The following TMEM132C variants were observed in gnomAD, a reference collection of about 807,000 sequenced individuals.
TMEM132C encodes protein phosphatase 1, regulatory subunit 152.
TMEM132C carries 29 observed loss-of-function variants against 61.4 expected under a neutral mutation model. The ratio of observed to expected loss-of-function variants is 0.47; its 90% confidence interval spans 0.35 to 0.64. The LOEUF is 0.64. Among genes scored for constraint, TMEM132C ranks in the 30% least tolerant of loss-of-function variants. The probability of loss-of-function intolerance (pLI) is 0.00; values close to 1 mark genes in which losing one functional copy is unlikely to be tolerated. For missense variants in TMEM132C, 1,408 were observed against 1,476.9 expected, an observed-to-expected ratio of 0.95 and a Z score of 0.76; for synonymous variants, 656 against 633.1, an observed-to-expected ratio of 1.04 and a Z score of -0.54.
intron 1 of TMEM132C, among the ~76,000 whole-genome samples, chr12:128,282,561 C>G (rs1473012295): frequency 1.3e-5 from 2 of 152,210 alleles, no homozygotes; most frequent in African/African-American, 4.8e-5. Flanking sequence ...ATGATCCAGT[C>G]ACCTCCCACT....
At chr12:128,503,337 G>A (rs1872244348) in intron 2 of TMEM132C, among the ~76,000 whole-genome samples, 1 of 152,242 alleles carries the variant, frequency 6.6e-6, no homozygotes, top group Non-Finnish European at 1.5e-5. Context: ...AATTTTAAGT[G>A]TAGGCGAGGA....
At chr12:128,606,926 G>A (rs1876447287) in intron 3 of TMEM132C, among the ~76,000 whole-genome samples, 1 of 152,152 alleles carries the variant, frequency 6.6e-6, no homozygotes, top group African/African-American at 2.4e-5. Context: ...AGTAAACAAA[G>A]CAAGTTTTTA....
chr12:128,578,495 G>A (rs1044839096), intron 3 of TMEM132C, among the ~76,000 whole-genome samples: 1 of 152,148 alleles, frequency 6.6e-6, no homozygotes, highest in South Asian at 2.1e-4. Flanking sequence ...AAGTCTACTT[G>A]TCGCCTTATT....
rs1256458537 is a variant in TMEM132C at position 128,326,514 on chromosome 12, C to T, written c.85+59027C>T. Among the ~76,000 whole-genome samples the T allele has an allele frequency of 1.3e-5, 2 of 152,220 alleles. No individual in the cohort carries two copies. Among genetic ancestry groups the T allele is most frequent in the Non-Finnish European group, 2.9e-5 (2 of 68,044 alleles). On this transcript the variant is annotated intron_variant, in intron 1 of 8. Transcript: ENST00000435159. The surrounding 1 kb of genome is among the most constrained non-coding windows in gnomAD (Gnocchi z 5.6). ...AGGGGTCTTGGTTTTCCATCCTGCC[C>T]TGAGCCTAGTGTGAGGTGGAGCAGC...
rs190829367 is a variant in TMEM132C at position 128,604,138 on chromosome 12, A to G, written c.1122-12014A>G. Among the ~76,000 whole-genome samples, 12 of 152,298 alleles carry G rather than the reference A, an allele frequency of 7.9e-5. No individual in the cohort carries two copies. In the East Asian group the frequency reaches 2.1e-3, roughly 27 times the overall value. ...AGGGTTCCCCAGAGACATAGAACCA[A>G]TGGGGTGGATGAGTCCATAGATATA... On this transcript the variant is annotated intron_variant, in intron 3 of 8. Coordinates refer to ENST00000435159, the MANE Select transcript of TMEM132C (RefSeq NM_001136103.3).
At chr12:128,297,712 A>G (rs148620975) in intron 1 of TMEM132C, among the ~76,000 whole-genome samples, 301 of 152,168 alleles carry the variant, frequency 2.0e-3, no homozygotes, top group African/African-American at 6.8e-3. Flanking sequence ...AGGATTTGGT[A>G]TCTCTTCTGA....
intron 5 of TMEM132C, among the ~76,000 whole-genome samples, chr12:128,682,720 A>G (rs549383187): frequency 6.6e-6 from 1 of 152,322 alleles, no homozygotes; most frequent in East Asian, 1.9e-4. Flanking sequence ...ACTCTGTCAC[A>G]GTTTTCCAGA....
intron 4 of TMEM132C, 83 bp from the exon 5 acceptor site, chr12:128,669,334 T>G: frequency 1.3e-6 from 2 of 1,489,530 alleles, no homozygotes; most frequent in Non-Finnish European, 9.0e-7. Context: ...GTGTTTACCC[T>G]GGGAGATTCC....
intron 1 of TMEM132C, among the ~76,000 whole-genome samples, chr12:128,375,881 A>C (rs1874176538): frequency 6.6e-6 from 1 of 152,214 alleles, no homozygotes; most frequent in African/African-American, 2.4e-5. Context: ...TGGCATATCC[A>C]GGGTGGCCAC....
chr12:128,555,176 C>T (rs1874292997), intron 3 of TMEM132C, among the ~76,000 whole-genome samples: 1 of 152,156 alleles, frequency 6.6e-6, no homozygotes, highest in Admixed American at 6.5e-5. Flanking sequence ...AACCCAAAAT[C>T]GTTGAAAATG....
chr12:128,685,705 G>T (rs1191566696), intron 5 of TMEM132C, among the ~76,000 whole-genome samples: 1 of 152,180 alleles, frequency 6.6e-6, no homozygotes, highest in Non-Finnish European at 1.5e-5. Flanking sequence ...GCCTCCCTGA[G>T]TGCAGAGCCA....
chr12:128,589,550 G>A (rs139262189), intron 3 of TMEM132C, among the ~76,000 whole-genome samples: 1,441 of 126,640 alleles, frequency 0.011, 11 homozygotes, highest in African/African-American at 0.02. Flanking sequence ...TCTCTCGATA[G>A]CGTCGTGACG....
rs373584326 is a variant in TMEM132C, at chr12:128,668,150, C to T, written c.1306-1267C>T. Among the ~76,000 whole-genome samples the T allele has an allele frequency of 3.2e-4, 48 of 152,186 alleles. No homozygotes were observed. The South Asian group carries it at 9.3e-3, about 30-fold the overall frequency. On this transcript the variant is annotated intron_variant, in intron 4 of 8. Transcript: ENST00000435159. ...TTAAAATGATCTGGGCATGGTGACA[C>T]TTGCCTATGTTCCCAGCACTTTGGT...
At chr12:128,465,179 T>G (rs1164407487) in intron 2 of TMEM132C, among the ~76,000 whole-genome samples, 1 of 151,720 alleles carries the variant, frequency 6.6e-6, no homozygotes, top group Admixed American at 6.6e-5. Context: ...AAGCTGTTCA[T>G]CATCCTGATC....
intron 2 of TMEM132C, among the ~76,000 whole-genome samples, chr12:128,512,280 T>C (rs186663730): frequency 1.2e-4 from 18 of 152,312 alleles, no homozygotes; most frequent in Non-Finnish European, 2.5e-4. Flanking sequence ...TTCTTGTATC[T>C]CCTTCTAATC....
At position 128,693,937 on chromosome 12, in the gene TMEM132C, AC is replaced by A; in HGVS notation, c.1560del (p.Val521CysfsTer20). On this transcript the variant is annotated frameshift_variant, in exon 6 of 9. Coordinates refer to ENST00000435159, the MANE Select transcript of TMEM132C (RefSeq NM_001136103.3). LOFTEE classifies it high-confidence loss of function. Reference protein sequence around the residue: ...YQYLSAPLCVTVWVPRLPLQI... With the variant: ...YQYLSAPLCVXVWVPRLPLQI... The stretch of plus-strand genomic sequence containing the variant: ...GTACCTGAGCGCCCCCCTGTGTGTC[AC>A]CGTGTGGGTGCCCCGGCTGCCCCTG... The A allele has an allele frequency of 1.3e-6, 2 of 1,551,734 alleles. No homozygotes were observed. Among genetic ancestry groups the A allele is most frequent in the Non-Finnish European group, 8.7e-7 (1 of 1,147,022 alleles).
At chr12:128,698,759 G>A (rs928088901) in intron 8 of TMEM132C, among the ~76,000 whole-genome samples, 10 of 152,128 alleles carry the variant, frequency 6.6e-5, no homozygotes, top group African/African-American at 1.9e-4. Flanking sequence ...GGTGACTTGC[G>A]GCCACAATAG....
At chr12:128,550,014 A>C (rs966952270) in intron 3 of TMEM132C, among the ~76,000 whole-genome samples, 1 of 152,230 alleles carries the variant, frequency 6.6e-6, no homozygotes. Flanking sequence ...GCTGGCAGAC[A>C]CTGCTCCACC....
intron 2 of TMEM132C, among the ~76,000 whole-genome samples, chr12:128,534,496 G>A (rs1196002500): frequency 6.6e-6 from 1 of 152,218 alleles, no homozygotes. Flanking sequence ...AGCAGATGAA[G>A]AAAGAAAAGC....
Sources: allele counts gnomAD v4.1 joint callset (sites outside exome capture counted in the v4.1 genomes callset), GRCh38; gene constraint gnomAD v4.1.1; non-coding constraint Gnocchi (gnomAD v3.1); transcripts MANE v1.5; gene names NCBI Gene and HGNC (gene_info 2026-07-23, HGNC 2026-07-21).